The following HCRTR2 variants were observed in gnomAD, a reference collection of about 807,000 sequenced individuals.
HCRTR2 encodes orexin receptor type 2.
HCRTR2 carries 22 observed loss-of-function variants against 49.0 expected under a neutral mutation model. The ratio of observed to expected loss-of-function variants is 0.45; its 90% confidence interval spans 0.32 to 0.64. The LOEUF is 0.64. HCRTR2 is among the 30% of genes least tolerant of loss of function. The pLI is 0.04. For missense variants in HCRTR2, 491 were observed against 559.4 expected (o/e 0.88, Z 1.23); for synonymous variants, 236 against 205.3 (o/e 1.15, Z -1.28).
chr6:55,189,775 A>C (rs923871656), intron 1 of HCRTR2, among the ~76,000 whole-genome samples: 1 of 152,210 alleles, frequency 6.6e-6, no homozygotes, highest in African/African-American at 2.4e-5. Context: ...CGTCCTGCAC[A>C]TGTATCCCAG....
chr6:55,267,224 G>A (rs1024166767), intron 4 of HCRTR2, among the ~76,000 whole-genome samples: 5 of 152,180 alleles, frequency 3.3e-5, no homozygotes, highest in African/African-American at 9.6e-5. Flanking sequence ...TGAAGAGCTT[G>A]TCCTATTTGC....
chr6:55,172,332 A>C (rs572606263), upstream of HCRTR2, among the ~76,000 whole-genome samples: 1 of 152,206 alleles, frequency 6.6e-6, no homozygotes, highest in South Asian at 2.1e-4. Context: ...TTTGGTTTGC[A>C]TTATAGCATC....
rs191614312 is a variant in HCRTR2, at chr6:55,221,764, G to A, written c.224-26875G>A. On this transcript the variant is annotated intron_variant, in intron 1 of 6. Transcript: ENST00000370862. ...AGAGGCAGAGCTTGCAGTGAGGTGA[G>A]ATCACGCCACTGCACTCCAGCCTGG... 4.0e-5 allele frequency among the ~76,000 whole-genome samples: 6 copies of A among 149,468 alleles called. No homozygotes were observed. In the East Asian group the frequency reaches 1.2e-3, roughly 30 times the overall value.
intron 1 of HCRTR2, among the ~76,000 whole-genome samples, chr6:55,219,137 T>G (rs2127295023): frequency 6.6e-6 from 1 of 152,276 alleles, no homozygotes; most frequent in East Asian, 1.9e-4. Flanking sequence ...TTTCAAAAAT[T>G]GATAGAACAT....
chr6:55,196,405 T>C (rs1268361589), intron 1 of HCRTR2, among the ~76,000 whole-genome samples: 5 of 152,218 alleles, frequency 3.3e-5, no homozygotes. Flanking sequence ...AAATGAACTT[T>C]TCCCCACCTA....
intron 1 of HCRTR2, among the ~76,000 whole-genome samples, chr6:55,145,398 TTTTTTTG>T (rs1764565291): frequency 1.0e-5 from 1 of 96,774 alleles, no homozygotes; most frequent in Non-Finnish European, 2.1e-5. Context: ...TCTTTGTTTT[TTTTTTTG>T]TTTTTTTGTT....
At chr6:55,268,814 G>C (rs9475224) in intron 4 of HCRTR2, among the ~76,000 whole-genome samples, 2 of 152,046 alleles carry the variant, frequency 1.3e-5, no homozygotes, top group Admixed American at 1.3e-4. Context: ...ACACAGGCAG[G>C]GTGCGGTGGC....
chr6:55,165,672 T>A (rs1409756258), intron 1 of HCRTR2, among the ~76,000 whole-genome samples: 2 of 141,104 alleles, frequency 1.4e-5, no homozygotes, highest in Non-Finnish European at 3.1e-5. Flanking sequence ...CTATCAAGAG[T>A]ATGAAAAGAA....
chr6:55,220,765 A>C (rs192872742), intron 1 of HCRTR2, among the ~76,000 whole-genome samples: 14 of 152,302 alleles, frequency 9.2e-5, no homozygotes, highest in African/African-American at 2.9e-4. Flanking sequence ...AAGAGGGAAA[A>C]TTATCTCTAT....
chr6:55,130,436 G>T (rs527647904), intron 1 of HCRTR2, among the ~76,000 whole-genome samples: 6 of 150,162 alleles, frequency 4.0e-5, no homozygotes, highest in Admixed American at 3.3e-4. Context: ...AATCCAACCA[G>T]TTTCTATAAA....
At chr6:55,165,815 C>T (rs541372563) in intron 1 of HCRTR2, among the ~76,000 whole-genome samples, 1 of 129,678 alleles carries the variant, frequency 7.7e-6, no homozygotes, top group African/African-American at 2.9e-5. Context: ...TATAAAGAGA[C>T]GAATAACCCA....
intron 1 of HCRTR2, among the ~76,000 whole-genome samples, chr6:55,234,731 C>A (rs770512010): frequency 2.6e-4 from 39 of 152,058 alleles, no homozygotes; most frequent in Non-Finnish European, 4.9e-4. Context: ...GACACTCATA[C>A]CAGCTGGTAA....
chr6:55,230,045 T>C (rs1403227027), intron 1 of HCRTR2, among the ~76,000 whole-genome samples: 1 of 152,170 alleles, frequency 6.6e-6, no homozygotes, highest in African/African-American at 2.4e-5. Flanking sequence ...AAAATGGCTG[T>C]ACCTGGAGCT....
intron 1 of HCRTR2, among the ~76,000 whole-genome samples, chr6:55,195,726 C>T (rs1189428998): frequency 6.6e-6 from 1 of 152,056 alleles, no homozygotes; most frequent in Non-Finnish European, 1.5e-5. Context: ...AATCCCTGCA[C>T]TTTGGGAGGT....
chr6:55,256,710 A>G (rs982092052), intron 3 of HCRTR2, among the ~76,000 whole-genome samples: 5 of 151,922 alleles, frequency 3.3e-5, no homozygotes, highest in Admixed American at 6.6e-5. Context: ...AAAAAAATCA[A>G]TGGAAATTTC....
At chr6:55,175,743 C>T (rs1234913224) in intron 1 of HCRTR2, among the ~76,000 whole-genome samples, 1 of 151,720 alleles carries the variant, frequency 6.6e-6, no homozygotes, top group Admixed American at 6.6e-5. Flanking sequence ...ATGGTGAGTG[C>T]GATGATGGAA....
At chr6:55,279,249 T>C (rs1447869559) in intron 5 of HCRTR2, among the ~76,000 whole-genome samples, 1 of 152,122 alleles carries the variant, frequency 6.6e-6, no homozygotes. Context: ...TTGTTTTTTC[T>C]TTCTCCCACA....
intron 1 of HCRTR2, among the ~76,000 whole-genome samples, chr6:55,243,588 G>A (rs979543547): frequency 2.0e-5 from 3 of 152,132 alleles, no homozygotes; most frequent in Admixed American, 6.5e-5. Context: ...TTTGCTCATC[G>A]GAAAATATAC....
intron 1 of HCRTR2, among the ~76,000 whole-genome samples, chr6:55,117,873 TTTTTTTCTG>T (rs138730673): frequency 0.3 from 45,502 of 150,316 alleles, 8,998 homozygotes; most frequent in East Asian, 0.79. Context: ...ACTGTTTGTT[TTTTTTTCTG>T]TTTTTCCTTT....
Sources: gnomAD v4.1 joint callset for allele counts (sites outside exome capture counted in the v4.1 genomes callset) on GRCh38, gnomAD v4.1.1 for gene constraint, MANE v1.5 for transcripts, NCBI Gene and HGNC (gene_info 2026-07-23, HGNC 2026-07-21) for gene names.